Variants in CD8B2 observed in about 807,000 individuals in gnomAD.
The protein encoded by CD8B2 is CD8B family member 2.
A neutral mutation model predicts 23.7 loss-of-function variants in CD8B2; 11 were observed. The observed-to-expected ratio is 0.46, with a 90% CI of 0.29 to 0.77. CD8B2 has a LOEUF of 0.77. Among genes scored for constraint, CD8B2 ranks in the 30% least tolerant of loss-of-function variants. The pLI is 0.09. For missense variants in CD8B2, 197 were observed against 270.5 expected (o/e 0.73, Z 1.91); for synonymous variants, 90 against 109.3 (o/e 0.82, Z 1.10).
chr2:106,517,814 G>A (rs1032229735), intron 5 of CD8B2, among the ~76,000 whole-genome samples: 1 of 151,820 alleles, frequency 6.6e-6, no homozygotes, highest in African/African-American at 2.4e-5. Flanking sequence ...CCGGGTTCAC[G>A]CCGTTCTCCT....
At chr2:106,544,156 C>T (rs1680217418) in exon 6 of CD8B2, 1 of 398,328 alleles carries the variant, frequency 2.5e-6, no homozygotes, top group Non-Finnish European at 4.4e-6. Context: ...GCTCAGACTG[C>T]ATGCGTGTCT....
At chr2:106,525,646 G>A (rs1043075651) in intron 5 of CD8B2, among the ~76,000 whole-genome samples, 3 of 152,128 alleles carry the variant, frequency 2.0e-5, no homozygotes, top group East Asian at 3.9e-4. Flanking sequence ...CCTCTCCCCT[G>A]TCCCTAGCAA....
chr2:106,519,860 TC>T (rs1679795579), intron 5 of CD8B2, among the ~76,000 whole-genome samples: 1 of 152,208 alleles, frequency 6.6e-6, no homozygotes, highest in Admixed American at 6.5e-5. Flanking sequence ...TTCAAAGCCC[TC>T]CCAGGCCACA....
At position 106,508,276 on chromosome 2, in the gene CD8B2, G is replaced by A. The variant is rs1253160108; in HGVS notation, c.*1336G>A. 10 of 152,174 alleles carry A rather than the reference G, an allele frequency of 6.6e-5. No individual in the cohort carries two copies. The highest frequency in any genetic ancestry group is 2.4e-4 in the African/African-American group (10 of 41,424). 9.4% of individuals were successfully genotyped at this position (152,174 alleles called of 1,614,324 possible). A position where few individuals can be genotyped will look rare whatever the true frequency, so the allele number is the denominator to read the frequency against. ...GCTTCTCCTGGCCAGCTCAAGGAAGGACATTGACAAATCAGGTTATGTTCA... is the reference window on the plus strand; with the variant it reads ...GCTTCTCCTGGCCAGCTCAAGGAAGAACATTGACAAATCAGGTTATGTTCA... On this transcript the variant is annotated 3_prime_UTR_variant, in exon 6 of 6. Coordinates refer to ENST00000643224, the MANE Select transcript of CD8B2 (RefSeq NM_001349727.2).
At chr2:106,518,077 G>C (rs1414351336) in intron 5 of CD8B2, among the ~76,000 whole-genome samples, 2 of 152,154 alleles carry the variant, frequency 1.3e-5, no homozygotes, top group East Asian at 3.8e-4. Flanking sequence ...GAATTCCTGG[G>C]CCATAGGGAT....
At chr2:106,538,360 G>C (rs990533071) in intron 5 of CD8B2, among the ~76,000 whole-genome samples, 1 of 152,082 alleles carries the variant, frequency 6.6e-6, no homozygotes, top group Non-Finnish European at 1.5e-5. Context: ...GTTGCTTTTT[G>C]CTTGAAACGG....
chr2:106,496,336 C>T, intron 3 of CD8B2, 74 bp downstream of exon 3: 13 of 1,342,064 alleles, frequency 9.7e-6, no homozygotes, highest in Non-Finnish European at 1.2e-5. Context: ...CCCCTCCTTC[C>T]TTCCCCAGGC....
At position 106,507,509 on chromosome 2, in the gene CD8B2, A is replaced by AT. The variant is rs1303061337; in HGVS notation, c.*570dup. 1.0e-6 allele frequency: 1 copy of AT among 984,784 alleles called. No homozygotes were observed. Among genetic ancestry groups the AT allele is most frequent in the Non-Finnish European group, 1.2e-6 (1 of 829,444 alleles). The allele number at this position is 984,784 out of a possible 1,614,324, so 61.0% of individuals were successfully genotyped here. On this transcript the variant is annotated 3_prime_UTR_variant, in exon 6 of 6. Coordinates refer to ENST00000643224, the MANE Select transcript of CD8B2 (RefSeq NM_001349727.2). ...GGGCCGGGAACTTGCGGGTTTGAGG[A>AT]TAGGAGTTCACTTCATCTTCTTAGC...
rs76506915 is a variant in CD8B2, at chr2:106,531,466, C to T, written c.621-12526C>T. 4.7e-4 allele frequency among the ~76,000 whole-genome samples: 72 copies of T among 152,264 alleles called. No individual in the cohort carries two copies. In the East Asian group the frequency reaches 0.011, roughly 23 times the overall value. On this transcript the variant is annotated intron_variant, in intron 5 of 5. Transcript: ENST00000416057. ...TTCTGTCCTCTATCACACGAGTTCTCGAGTTCTATCCAAGATGTCCTGGAA... is the reference window on the plus strand; with the variant it reads ...TTCTGTCCTCTATCACACGAGTTCTTGAGTTCTATCCAAGATGTCCTGGAA...
At chr2:106,526,417 AC>A (rs1679907745) in intron 5 of CD8B2, among the ~76,000 whole-genome samples, 1 of 152,096 alleles carries the variant, frequency 6.6e-6, no homozygotes, top group Non-Finnish European at 1.5e-5. Flanking sequence ...ACGGCCATTT[AC>A]CCCTGACATG....
At chr2:106,502,981 T>G (rs1679440807) in intron 4 of CD8B2, among the ~76,000 whole-genome samples, 1 of 151,356 alleles carries the variant, frequency 6.6e-6, no homozygotes, top group Non-Finnish European at 1.5e-5. Context: ...AGTTTGCCTA[T>G]GGGGTTTGTG....
rs1360174256 is a variant in CD8B2, at chr2:106,495,864, T to A, written c.404-309T>A. Among the ~76,000 whole-genome samples the A allele has an allele frequency of 2.6e-5, 4 of 152,200 alleles. No individual in the cohort carries two copies. The East Asian group carries it at 7.7e-4, about 29-fold the overall frequency. ...CCCAAGCCAGAGTGCAGTTGCATGA[T>A]CATGGCTCACTTCAGCCTTGACTTC... On this transcript the variant is annotated intron_variant, in intron 2 of 5. Coordinates refer to ENST00000643224, the MANE Select transcript of CD8B2 (RefSeq NM_001349727.2).
chr2:106,513,025 T>C (rs189082951), downstream of CD8B2, among the ~76,000 whole-genome samples: 306 of 152,074 alleles, frequency 2.0e-3, 1 homozygote, highest in African/African-American at 6.9e-3. Context: ...AGCAAAAGGC[T>C]CAGATAGAAA....
chr2:106,513,293 G>A (rs1679672351), downstream of CD8B2, among the ~76,000 whole-genome samples: 2 of 151,842 alleles, frequency 1.3e-5, no homozygotes, highest in South Asian at 2.1e-4. Context: ...CTAACCCCAC[G>A]GGCTTTCATT....
intron 5 of CD8B2, among the ~76,000 whole-genome samples, chr2:106,523,897 T>C (rs1366296610): frequency 6.6e-6 from 1 of 152,152 alleles, no homozygotes; most frequent in African/African-American, 2.4e-5. Flanking sequence ...CTAGATGTGG[T>C]GATCTGGTGA....
chr2:106,491,580 C>G (rs1312241554), intron 2 of CD8B2, among the ~76,000 whole-genome samples: 1 of 152,168 alleles, frequency 6.6e-6, no homozygotes, highest in African/African-American at 2.4e-5. Context: ...CAGAGCCTCA[C>G]TGTGTTGCCC....
chr2:106,535,242 C>T (rs995096885), intron 5 of CD8B2: 2 of 152,094 alleles, frequency 1.3e-5, no homozygotes, highest in Admixed American at 6.6e-5. Flanking sequence ...TAGGGACAGT[C>T]GTTTGGGGGC....
At chr2:106,505,129 A>T (rs991011426) in intron 5 of CD8B2, among the ~76,000 whole-genome samples, 8 of 152,156 alleles carry the variant, frequency 5.3e-5, no homozygotes, top group Non-Finnish European at 1.2e-4. Flanking sequence ...TGGGTCTTTC[A>T]TGAGGCTGTT....
intron 5 of CD8B2, chr2:106,521,901 C>T: frequency 6.6e-6 from 1 of 152,416 alleles, no homozygotes; most frequent in South Asian, 2.1e-4. Flanking sequence ...GTGTCTGGGC[C>T]AACCATGGAG....
Sources: allele counts gnomAD v4.1 joint callset (sites outside exome capture counted in the v4.1 genomes callset), GRCh38; gene constraint gnomAD v4.1.1; transcripts MANE v1.5; gene names NCBI Gene and HGNC (gene_info 2026-07-23, HGNC 2026-07-21).